Variants in RYR2 observed in about 807,000 individuals in gnomAD.
RYR2 encodes the protein cardiac muscle ryanodine receptor-calcium release channel.
Under a neutral mutation model 601.1 loss-of-function variants are expected in RYR2, and 227 were observed. The observed-to-expected ratio is 0.38, with a 90% CI of 0.34 to 0.42. The LOEUF is 0.42. Among genes scored for constraint, RYR2 ranks in the 10% least tolerant of loss-of-function variants. The probability of loss-of-function intolerance (pLI) is 1.00; values close to 1 mark genes in which losing one functional copy is unlikely to be tolerated. For synonymous variants in RYR2, 2,223 were observed against 2,175.1 expected (o/e 1.02, Z -0.61); for missense variants, 4,646 against 6,156.5 (o/e 0.75, Z 8.21).
chr1:237,597,573 C>A (rs1676032144), intron 34 of RYR2, among the ~76,000 whole-genome samples: 1 of 151,782 alleles, frequency 6.6e-6, no homozygotes, highest in African/African-American at 2.4e-5. Flanking sequence ...AGCCACCATG[C>A]CTGGCCAGTC....
chr1:237,758,788 G>A (rs973260045), intron 82 of RYR2, among the ~76,000 whole-genome samples: 2 of 152,128 alleles, frequency 1.3e-5, no homozygotes, highest in Admixed American at 6.6e-5. Context: ...CATCTTGTAT[G>A]TGCTTTTACA....
Position 237,617,372 on chromosome 1 carries a change from T to G in RYR2, c.5802T>G (p.Ala1934=), listed in dbSNP as rs1043607507. 6.2e-7 allele frequency: 1 copy of G among 1,614,002 alleles called. No individual in the cohort carries two copies. Among genetic ancestry groups the G allele is most frequent in the South Asian group, 1.1e-5 (1 of 91,084 alleles). Residue 1934 remains alanine (A), a synonymous_variant, in exon 38 of 105, where the codon GCT becomes GCG. Transcript: ENST00000366574. ...TAGCCTTTTCAGATGATTTTGTGGC[T>G]AAGCTCCAAGACAATCAACGTTTCC... ...AIVAFSDDFV[A]KLQDNQRFRY... is the part of the protein sequence containing the mutation.
chr1:237,434,439 A>G (rs1707143224), intron 12 of RYR2, among the ~76,000 whole-genome samples: 1 of 152,254 alleles, frequency 6.6e-6, no homozygotes, highest in African/African-American at 2.4e-5. Context: ...AATATCTTAC[A>G]TAACGAAGAA....
chr1:237,608,207 G>A (rs1436865539), intron 35 of RYR2, among the ~76,000 whole-genome samples: 1 of 152,158 alleles, frequency 6.6e-6, no homozygotes, highest in Non-Finnish European at 1.5e-5. Flanking sequence ...TATGAGATAG[G>A]CTGAGGGCAG....
In RYR2 at chr1:237,493,030, A is replaced by T; in HGVS notation, c.1904A>T (p.Asn635Ile). Reference protein sequence around the residue: ...VRSNQHLICDNLLPGRDLLLQ... With the variant: ...VRSNQHLICDILLPGRDLLLQ... ...TCTAACCAGCATCTCATCTGTGACA[A>T]TCTCCTACCAGGAAGAGACTTGTTA... The change falls in exon 19 of 105, where the codon AAT (asparagine) becomes ATT (isoleucine). Residue 635 changes from asparagine (N) to isoleucine (I), a missense_variant. Asn to Ile is a moderately radical substitution (Grantham distance 149). Around this residue, in one of 17 missense-constraint regions of RYR2, gnomAD observed 1,807 missense variants for 2,088.1 expected, o/e 0.87. Transcript: ENST00000366574. 1 of 1,612,938 alleles carries T rather than the reference A, an allele frequency of 6.2e-7. No individual in the cohort carries two copies. The highest frequency in any genetic ancestry group is 8.5e-7 in the Non-Finnish European group (1 of 1,179,536).
At chr1:237,131,903 G>A (rs1672212465) in intron 1 of RYR2, among the ~76,000 whole-genome samples, 1 of 151,980 alleles carries the variant, frequency 6.6e-6, no homozygotes, top group Non-Finnish European at 1.5e-5. Flanking sequence ...AAAAAAATGT[G>A]TATGTAGGTG....
intron 2 of RYR2, among the ~76,000 whole-genome samples, chr1:237,276,539 C>T (rs1690306266): frequency 6.6e-6 from 1 of 152,066 alleles, no homozygotes; most frequent in African/African-American, 2.4e-5. Context: ...TGAGTTAATT[C>T]TGAAAATTGG....
At position 237,324,375 on chromosome 1, in the gene RYR2, G is replaced by A. The variant is rs147492107; in HGVS notation, c.169-6503G>A. On this transcript the variant is annotated intron_variant, in intron 2 of 104. Coordinates refer to ENST00000366574, the MANE Select transcript of RYR2 (RefSeq NM_001035.3). ...TATCTCCATCATTTGGGGAGAAGTC[G>A]ACACTCAACAGTTACAGTGCCTTCC... Among the ~76,000 whole-genome samples, 909 of 152,230 alleles carry A rather than the reference G, an allele frequency of 6.0e-3. 9 individuals are homozygous for A. The highest frequency in any genetic ancestry group is 0.02 in the African/African-American group (851 of 41,550).
chr1:237,558,445 GGCCTTTAT>G (rs1671124996), intron 27 of RYR2, among the ~76,000 whole-genome samples: 1 of 152,086 alleles, frequency 6.6e-6, no homozygotes, highest in Admixed American at 6.5e-5. Context: ...GCTGCCTTCT[GGCCTTTAT>G]GTTTTCTGAT....
chr1:237,511,850 A>G (rs57830998), intron 24 of RYR2, 59 bp downstream of exon 24: 20,118 of 879,566 alleles, frequency 0.023, 98 homozygotes, highest in Middle Eastern at 0.034. Flanking sequence ...AAAAAAAAAA[A>G]AAAAAAAAAC....
intron 27 of RYR2, among the ~76,000 whole-genome samples, chr1:237,559,328 C>T (rs535874998): frequency 3.2e-4 from 48 of 152,188 alleles, no homozygotes; most frequent in Admixed American, 2.6e-3. Flanking sequence ...TGAAAACCAA[C>T]GGCCCCTCAA....
At chr1:237,489,739 AAACTT>A (rs1304691328) in intron 17 of RYR2, among the ~76,000 whole-genome samples, 1 of 152,238 alleles carries the variant, frequency 6.6e-6, no homozygotes, top group African/African-American at 2.4e-5. Context: ...ATTTATCAAA[AAACTT>A]AACAGAGAAC....
rs1678286636 is a variant in RYR2 at position 237,614,804 on chromosome 1, C to T, written c.5676C>T (p.Gly1892=). ...EAKGGKRPKE[G]LLQMKLPEPV... Reference sequence around the variant, plus strand: ...AGGGGGGCAAGCGGCCCAAGGAAGGCCTGCTCCAAATGAAACTGCCAGAGC... The same window carrying T: ...AGGGGGGCAAGCGGCCCAAGGAAGGTCTGCTCCAAATGAAACTGCCAGAGC... Residue 1892 remains glycine, a synonymous_variant, in exon 37 of 105, where the codon GGC becomes GGT. Transcript: ENST00000366574. The surrounding 1 kb of genome is among the most constrained non-coding windows in gnomAD (Gnocchi z 4.3). 5 of 1,597,078 alleles carry T rather than the reference C, an allele frequency of 3.1e-6. No homozygotes were observed. The highest frequency in any genetic ancestry group is 1.1e-5 in the South Asian group (1 of 88,808).
chr1:237,157,295 C>CAAAAAAAAAAAAAA (rs33922740), intron 1 of RYR2, among the ~76,000 whole-genome samples: 16 of 63,504 alleles, frequency 2.5e-4, no homozygotes, highest in Non-Finnish European at 3.2e-4. Context: ...GACTCCATCT[C>CAAAAAAAAAAAAAA]AAAAAAAAAA....
At chr1:237,329,937 A>G (rs930691253) in intron 2 of RYR2, among the ~76,000 whole-genome samples, 9 of 152,346 alleles carry the variant, frequency 5.9e-5, no homozygotes, top group Admixed American at 4.6e-4. Flanking sequence ...ACCAAGTTAG[A>G]GGCAAAATAT....
intron 8 of RYR2, among the ~76,000 whole-genome samples, 184 bp downstream of exon 8, chr1:237,377,619 A>G (rs1371366469): frequency 6.6e-6 from 1 of 152,226 alleles, no homozygotes; most frequent in Non-Finnish European, 1.5e-5. Flanking sequence ...GGGTGCAAAT[A>G]TAGCTTATCA....
chr1:237,655,607 A>T (rs1243630702), intron 52 of RYR2, among the ~76,000 whole-genome samples: 2 of 152,164 alleles, frequency 1.3e-5, no homozygotes, highest in Non-Finnish European at 2.9e-5. Context: ...TATTCTCCTT[A>T]AGCTGAAACT....
intron 27 of RYR2, among the ~76,000 whole-genome samples, chr1:237,556,817 C>T (rs114085133): frequency 0.014 from 1,899 of 132,008 alleles, 40 homozygotes; most frequent in African/African-American, 0.052. Flanking sequence ...TGAGGGAAAT[C>T]TTTAAAGAGG....
chr1:237,082,524 C>CATATATATATAGATAT (rs1665828860), intron 1 of RYR2, among the ~76,000 whole-genome samples: 1 of 79,958 alleles, frequency 1.3e-5, no homozygotes, highest in Non-Finnish European at 2.8e-5. Flanking sequence ...AATAGGAAAA[C>CATATATATATAGATAT]ATATATATAT....
Sources: gnomAD v4.1 joint callset for allele counts (sites outside exome capture counted in the v4.1 genomes callset) on GRCh38, gnomAD v4.1.1 for gene constraint, gnomAD v4.1.1 regional missense constraint, Gnocchi (gnomAD v3.1) non-coding constraint, MANE v1.5 for transcripts, NCBI Gene and HGNC (gene_info 2026-07-23, HGNC 2026-07-21) for gene names.